Variants in DISC1 observed in about 807,000 individuals in gnomAD.
DISC1 encodes disrupted in schizophrenia 1 protein.
A neutral mutation model predicts 84.5 loss-of-function variants in DISC1; 57 were observed. The observed-to-expected ratio is 0.67, with a 90% CI of 0.55 to 0.84. The LOEUF (loss-of-function observed/expected upper bound fraction) is 0.84. DISC1 is among the 40% of genes least tolerant of loss of function. DISC1 has a pLI of 0.00. For missense variants in DISC1, 1,000 were observed against 1,057.8 expected, an observed-to-expected ratio of 0.95 and a Z score of 0.76; for synonymous variants, 411 against 415.2, an observed-to-expected ratio of 0.99 and a Z score of 0.12.
At position 231,662,084 on chromosome 1, in the gene DISC1, G is replaced by C. The variant is rs1340092844; in HGVS notation, c.68-31742G>C. Among the ~76,000 whole-genome samples the C allele has an allele frequency of 2.6e-5, 4 of 152,228 alleles. No individual in the cohort carries two copies. In the East Asian group the frequency reaches 5.8e-4, roughly 22 times the overall value. ...GTACCTGGAGATATCACCAGTGAAG[G>C]CTGCAAAACAGCAAAGATGGCTGCC... On this transcript the variant is annotated intron_variant, in intron 1 of 12. Coordinates refer to ENST00000439617, the MANE Select transcript of DISC1 (RefSeq NM_018662.3).
At chr1:231,818,553 G>GA in intron 9 of DISC1, 36 bp downstream of exon 9, 1 of 1,613,084 alleles carries the variant, frequency 6.2e-7, no homozygotes, top group Non-Finnish European at 8.5e-7. Flanking sequence ...GCAAGATATT[G>GA]ATGATATTTG....
At chr1:232,002,426 A>T (rs1276309323) in intron 10 of DISC1, among the ~76,000 whole-genome samples, 1 of 152,206 alleles carries the variant, frequency 6.6e-6, no homozygotes, top group Non-Finnish European at 1.5e-5. Context: ...CTATGCACAG[A>T]TGTTCATAGC....
intron 2 of DISC1, among the ~76,000 whole-genome samples, chr1:231,697,211 G>A (rs1479631169): frequency 6.6e-6 from 1 of 152,132 alleles, no homozygotes; most frequent in African/African-American, 2.4e-5. Flanking sequence ...CTTTGAAAGA[G>A]TAGGATTTCT....
In DISC1 at chr1:231,749,973, A is replaced by G. The variant is rs760972690; in HGVS notation, c.1165A>G (p.Ser389Gly). ...RLEDLEQEKI[S>G]LHFQLPSRQP... ...AGAAGACCTGGAACAAGAGAAAATC[A>G]GCCTGCACTTTCAACTTCCTTCAAG... The change falls in exon 4 of 13, where the codon AGC (serine) becomes GGC (glycine). Residue 389 changes from serine to glycine, a missense_variant. Physicochemically the swap from Ser to Gly is moderately conservative, Grantham distance 56. Around this residue, in one of 3 missense-constraint regions of DISC1, gnomAD observed 311 missense variants for 400.1 expected, o/e 0.78. Transcript: ENST00000439617. The G allele has an allele frequency of 1.3e-5, 21 of 1,614,148 alleles. No individual in the cohort carries two copies. In the Middle Eastern group the frequency reaches 6.6e-4, roughly 51 times the overall value.
chr1:231,837,511 G>A (rs2082709591), intron 9 of DISC1, among the ~76,000 whole-genome samples: 1 of 152,180 alleles, frequency 6.6e-6, no homozygotes, highest in Admixed American at 6.5e-5. Context: ...CTTCCATGAA[G>A]CATTACATGA....
chr1:231,679,483 T>A (rs1354830155), intron 1 of DISC1, among the ~76,000 whole-genome samples: 1 of 152,246 alleles, frequency 6.6e-6, no homozygotes, highest in Non-Finnish European at 1.5e-5. Context: ...CCACTTTGGA[T>A]ACAAAAGCTT....
At chr1:231,854,466 A>G (rs1295232068) in intron 9 of DISC1, among the ~76,000 whole-genome samples, 1 of 152,198 alleles carries the variant, frequency 6.6e-6, no homozygotes, top group East Asian at 1.9e-4. Context: ...CTTTTATATA[A>G]AAGGTAGAGC....
chr1:231,659,670 A>G (rs1255782506), intron 1 of DISC1, among the ~76,000 whole-genome samples: 1 of 152,138 alleles, frequency 6.6e-6, no homozygotes, highest in East Asian at 1.9e-4. Context: ...ATTCTAGGAC[A>G]TTGTCTCTTT....
rs562817354 is a variant in DISC1 at position 231,789,333 on chromosome 1, A to G, written c.1635-5909A>G. On this transcript the variant is annotated intron_variant, in intron 6 of 12. Coordinates refer to ENST00000439617, the MANE Select transcript of DISC1 (RefSeq NM_018662.3). ...CTCTGTGGCCAGGGTGGAGTAAGCAAAGAAGGGAGCTGTAGGAGAGGAGGT... is the reference window on the plus strand; with the variant it reads ...CTCTGTGGCCAGGGTGGAGTAAGCAGAGAAGGGAGCTGTAGGAGAGGAGGT... Among the ~76,000 whole-genome samples the G allele has an allele frequency of 6.7e-4, 102 of 152,316 alleles. 1 individual carries two copies. Among genetic ancestry groups the G allele is most frequent in the African/African-American group, 2.2e-3 (93 of 41,568 alleles).
chr1:232,019,473 T>G (rs1163348415), intron 11 of DISC1, among the ~76,000 whole-genome samples: 1 of 152,220 alleles, frequency 6.6e-6, no homozygotes, highest in Admixed American at 6.5e-5. Context: ...CGTTCAGAAT[T>G]GCAAATCCTA....
chr1:231,963,979 C>T (rs1660748418), intron 10 of DISC1, among the ~76,000 whole-genome samples: 1 of 152,170 alleles, frequency 6.6e-6, no homozygotes, highest in African/African-American at 2.4e-5. Flanking sequence ...GATAACATAA[C>T]CGATTAGGTC....
intron 10 of DISC1, among the ~76,000 whole-genome samples, chr1:231,974,368 C>T (rs1344561644): frequency 2.0e-5 from 3 of 152,150 alleles, no homozygotes; most frequent in Non-Finnish European, 4.4e-5. Context: ...ATTCCTTAAT[C>T]GGACCATTTT....
rs531074872 is a variant in DISC1, at chr1:231,655,108, T to A, written c.67+28174T>A. On this transcript the variant is annotated intron_variant, in intron 1 of 12. Transcript: ENST00000439617. ...CTTGCAAACCAACAAATTCTTTTTT[T>A]AAAAAAGTATTTTAATAGCTTTAGG... 5.9e-5 allele frequency among the ~76,000 whole-genome samples: 9 copies of A among 152,336 alleles called. No individual in the cohort carries two copies. The South Asian group carries it at 1.4e-3, about 25-fold the overall frequency.
At chr1:231,774,579 G>C in intron 6 of DISC1, 1 of 396,498 alleles carries the variant, frequency 2.5e-6, no homozygotes, top group Non-Finnish European at 5.0e-6. Context: ...GCATCTGGAG[G>C]GCAGTGTGGG....
chr1:231,995,239 G>T (rs978854762), intron 10 of DISC1, among the ~76,000 whole-genome samples: 8 of 151,848 alleles, frequency 5.3e-5, no homozygotes, highest in Admixed American at 1.3e-4. Flanking sequence ...TCATCAGTTT[G>T]CAGTGGAAAA....
intron 10 of DISC1, among the ~76,000 whole-genome samples, chr1:231,969,186 G>GGTTT (rs1553410638): frequency 6.5e-5 from 6 of 91,676 alleles, no homozygotes; most frequent in Non-Finnish European, 1.2e-4. Flanking sequence ...ACACTCAGCG[G>GGTTT]TTTTTTTTTT....
chr1:231,826,983 TA>T lies in DISC1; in HGVS notation c.1981+8469del, dbSNP rs1163642060. On this transcript the variant is annotated intron_variant, in intron 9 of 12. Coordinates refer to ENST00000439617, the MANE Select transcript of DISC1 (RefSeq NM_018662.3). This position sits in a 1 kb window ranked among gnomAD's most constrained non-coding sequence, Gnocchi z 4.2. ...TTTTGAGTGAGTTTTGAACTTTAGT[TA>T]AATAAAACAACTTTTTTTTTTTGAG... Among the ~76,000 whole-genome samples the T allele has an allele frequency of 1.3e-5, 2 of 152,176 alleles. No individual in the cohort carries two copies. Among genetic ancestry groups the T allele is most frequent in the African/African-American group, 2.4e-5 (1 of 41,444 alleles).
At chr1:232,024,892 C>A (rs1407096904) in intron 11 of DISC1, among the ~76,000 whole-genome samples, 1 of 152,074 alleles carries the variant, frequency 6.6e-6, no homozygotes, top group Non-Finnish European at 1.5e-5. Context: ...GTCTGGTCTG[C>A]AAAAATTTTT....
At chr1:231,841,011 T>C (rs2083012887) in intron 9 of DISC1, among the ~76,000 whole-genome samples, 1 of 152,206 alleles carries the variant, frequency 6.6e-6, no homozygotes, top group South Asian at 2.1e-4. Flanking sequence ...GATGTTATTA[T>C]TACAGGTCGA....
Sources: allele counts gnomAD v4.1 joint callset (sites outside exome capture counted in the v4.1 genomes callset), GRCh38; gene constraint gnomAD v4.1.1; regional missense constraint gnomAD v4.1.1; non-coding constraint Gnocchi (gnomAD v3.1); transcripts MANE v1.5; gene names NCBI Gene and HGNC (gene_info 2026-07-23, HGNC 2026-07-21).